The following UNC5D variants were observed in gnomAD, a reference collection of about 807,000 sequenced individuals.
UNC5D encodes unc-5 netrin receptor D, also known as netrin receptor UNC5D.
A neutral mutation model predicts 105.4 loss-of-function variants in UNC5D; 39 were observed. That is an observed-to-expected ratio of 0.37 (90% CI 0.29 to 0.48). UNC5D has a LOEUF of 0.48. UNC5D is among the 20% of genes least tolerant of loss of function. The probability of loss-of-function intolerance (pLI) is 0.98; values close to 1 mark genes in which losing one functional copy is unlikely to be tolerated. For synonymous variants in UNC5D, 452 were observed against 450.4 expected, an observed-to-expected ratio of 1.00 and a Z score of -0.04; for missense variants, 991 against 1,202.4, an observed-to-expected ratio of 0.82 and a Z score of 2.60.
At chr8:35,772,633 T>G (rs1802059251) in intron 15 of UNC5D, among the ~76,000 whole-genome samples, 1 of 152,186 alleles carries the variant, frequency 6.6e-6, no homozygotes, top group African/African-American at 2.4e-5. Context: ...AACTAGTCCC[T>G]TAACTCAATC....
intron 11 of UNC5D, among the ~76,000 whole-genome samples, chr8:35,735,976 T>C (rs1219303729): frequency 6.6e-6 from 1 of 152,044 alleles, no homozygotes; most frequent in Non-Finnish European, 1.5e-5. Flanking sequence ...AAGAATGGAG[T>C]TTTTATGATA....
At chr8:35,476,823 A>AT (rs1171175231) in intron 1 of UNC5D, among the ~76,000 whole-genome samples, 1 of 151,976 alleles carries the variant, frequency 6.6e-6, no homozygotes, top group Admixed American at 6.6e-5. Flanking sequence ...TTGCATACAT[A>AT]TTTTTTTCCA....
At position 35,246,340 on chromosome 8, in the gene UNC5D, T is replaced by A. The variant is rs186499026; in HGVS notation, c.103+10453T>A. Among the ~76,000 whole-genome samples, 10 of 152,320 alleles carry A rather than the reference T, an allele frequency of 6.6e-5. No individual in the cohort carries two copies. In the South Asian group the frequency reaches 1.4e-3, roughly 22 times the overall value. On this transcript the variant is annotated intron_variant, in intron 1 of 16. Transcript: ENST00000404895. Reference sequence around the variant, plus strand: ...AAATTGCAGGACAAGTTAATGGGACTTCATAATGACGTTGGTAATCCTTGG... The same window carrying A: ...AAATTGCAGGACAAGTTAATGGGACATCATAATGACGTTGGTAATCCTTGG...
intron 1 of UNC5D, among the ~76,000 whole-genome samples, chr8:35,329,531 C>T (rs781667233): frequency 2.0e-5 from 3 of 151,854 alleles, no homozygotes; most frequent in Admixed American, 6.6e-5. Context: ...AGGAAAATGC[C>T]GAGTGCTGTT....
Position 35,329,324 on chromosome 8 carries a change from T to TA in UNC5D, c.103+93444dup, listed in dbSNP as rs1207562910. On this transcript the variant is annotated intron_variant, in intron 1 of 16. Coordinates refer to ENST00000404895, the MANE Select transcript of UNC5D (RefSeq NM_080872.4). ...CTAGGAAGATTACATATTTCTGATT[T>TA]AAAAAAAGATAGCTTTCAGCATATA... Among the ~76,000 whole-genome samples the TA allele has an allele frequency of 5.3e-5, 8 of 151,876 alleles. No individual in the cohort carries two copies. In the South Asian group the frequency reaches 1.2e-3, roughly 24 times the overall value.
chr8:35,339,949 C>A (rs1427109971), intron 1 of UNC5D, among the ~76,000 whole-genome samples: 2 of 152,140 alleles, frequency 1.3e-5, no homozygotes, highest in East Asian at 3.9e-4. Flanking sequence ...GTCACAGTGC[C>A]TCTACAAATC....
chr8:35,745,773 C>T (rs1586575880), intron 11 of UNC5D, among the ~76,000 whole-genome samples: 1 of 152,202 alleles, frequency 6.6e-6, no homozygotes, highest in South Asian at 2.1e-4. Context: ...CTACAGACCA[C>T]ACTAGGGTGT....
intron 1 of UNC5D, among the ~76,000 whole-genome samples, chr8:35,244,403 A>C (rs1424279914): frequency 6.6e-6 from 1 of 152,168 alleles, no homozygotes; most frequent in Non-Finnish European, 1.5e-5. Flanking sequence ...TAAGCATCGG[A>C]GACAGAAAGA....
At chr8:35,465,395 G>A (rs973376454) in intron 1 of UNC5D, among the ~76,000 whole-genome samples, 55 of 145,972 alleles carry the variant, frequency 3.8e-4, no homozygotes, top group African/African-American at 1.3e-3. Flanking sequence ...AACCTCAAAA[G>A]AATATTGTAT....
chr8:35,495,596 C>T (rs1181006032), intron 1 of UNC5D, among the ~76,000 whole-genome samples: 1 of 151,506 alleles, frequency 6.6e-6, no homozygotes, highest in Non-Finnish European at 1.5e-5. Context: ...AGCCTTAAAG[C>T]TAATTTCTGC....
At chr8:35,540,736 T>C (rs1815218162) in intron 1 of UNC5D, among the ~76,000 whole-genome samples, 1 of 152,152 alleles carries the variant, frequency 6.6e-6, no homozygotes, top group South Asian at 2.1e-4. Context: ...TAGATCCAAT[T>C]TGAGAGGCCA....
chr8:35,726,207 A>G lies in UNC5D; in HGVS notation c.1359A>G (p.Thr453=), dbSNP rs201829811. The G allele has an allele frequency of 5.3e-5, 85 of 1,614,114 alleles. No homozygotes were observed. Among genetic ancestry groups the G allele is most frequent in the Non-Finnish European group, 6.2e-5 (73 of 1,179,966 alleles). ...AGCCAGATCTGACAGTGAGCCGGAC[A>G]TACAGCGGACCCATCTGTCTGCAGG... ...AMQPDLTVSR[T]YSGPICLQDP... is the part of the protein sequence containing the mutation. Residue 453 remains threonine, a synonymous_variant, in exon 10 of 17, where the codon ACA becomes ACG. Coordinates refer to ENST00000404895, the MANE Select transcript of UNC5D (RefSeq NM_080872.4).
chr8:35,292,268 T>C (rs1807125319), intron 1 of UNC5D, among the ~76,000 whole-genome samples: 2 of 152,344 alleles, frequency 1.3e-5, no homozygotes, highest in Non-Finnish European at 2.9e-5. Flanking sequence ...ATTCAGGGCA[T>C]TTAAAAAGAA....
intron 4 of UNC5D, among the ~76,000 whole-genome samples, chr8:35,629,587 G>A (rs975643443): frequency 2.6e-5 from 4 of 151,936 alleles, no homozygotes; most frequent in East Asian, 1.9e-4. Flanking sequence ...TAATCGATTC[G>A]GTGCAGTGTT....
chr8:35,683,778 G>A (rs1374545302), intron 5 of UNC5D, 51 bp downstream of exon 5: 11 of 1,420,686 alleles, frequency 7.7e-6, no homozygotes, highest in Non-Finnish European at 1.0e-5. Context: ...GAAAGAGGTA[G>A]AGGGATGTGT....
intron 1 of UNC5D, among the ~76,000 whole-genome samples, chr8:35,239,739 GTCTTC>G (rs200860836): frequency 0.02 from 2,981 of 152,036 alleles, 52 homozygotes; most frequent in Non-Finnish European, 0.028. Context: ...CAACATCATT[GTCTTC>G]TCTTCCTTCC....
At chr8:35,326,946 G>A (rs1273750896) in intron 1 of UNC5D, among the ~76,000 whole-genome samples, 1 of 152,148 alleles carries the variant, frequency 6.6e-6, no homozygotes, top group Non-Finnish European at 1.5e-5. Flanking sequence ...AATCCCTGAG[G>A]TAACATCATA....
At chr8:35,277,946 C>T (rs1174038611) in intron 1 of UNC5D, among the ~76,000 whole-genome samples, 1 of 152,152 alleles carries the variant, frequency 6.6e-6, no homozygotes, top group African/African-American at 2.4e-5. Flanking sequence ...ATTTGAGAGT[C>T]AGCAGCTTGG....
intron 1 of UNC5D, among the ~76,000 whole-genome samples, chr8:35,412,803 A>G (rs534284837): frequency 6.6e-6 from 1 of 152,142 alleles, no homozygotes; most frequent in East Asian, 1.9e-4. Flanking sequence ...GTGCTCTCCT[A>G]TTTATTGTGC....
Sources: allele counts gnomAD v4.1 joint callset (sites outside exome capture counted in the v4.1 genomes callset), GRCh38; gene constraint gnomAD v4.1.1; transcripts MANE v1.5; gene names NCBI Gene and HGNC (gene_info 2026-07-23, HGNC 2026-07-21).